GLIS3: variants seen among roughly 807,000 people sequenced by gnomAD.
GLIS3 encodes the protein GLIS family zinc finger 3, also known as zinc finger protein GLIS3.
A neutral mutation model predicts 78.6 loss-of-function variants in GLIS3; 53 were observed. That is an observed-to-expected ratio of 0.67 (90% CI 0.54 to 0.85). The LOEUF is 0.85. GLIS3 is among the 40% of genes least tolerant of loss of function. The pLI is 0.00. For missense variants in GLIS3, 1,703 were observed against 1,231.1 expected (o/e 1.38, Z -5.74); for synonymous variants, 684 against 509.9 (o/e 1.34, Z -4.60).
At chr9:4,208,508 A>C (rs1248464475) in intron 2 of GLIS3, among the ~76,000 whole-genome samples, 2 of 152,192 alleles carry the variant, frequency 1.3e-5, no homozygotes, top group Non-Finnish European at 2.9e-5. Context: ...TCTGAAAACA[A>C]GTGCTCTCTT....
At chr9:4,149,310 C>G (rs1834485172) in intron 2 of GLIS3, among the ~76,000 whole-genome samples, 1 of 152,218 alleles carries the variant, frequency 6.6e-6, no homozygotes, top group Non-Finnish European at 1.5e-5. Flanking sequence ...GGGAGGAAAA[C>G]TAAGGCTTGA....
intron 2 of GLIS3, among the ~76,000 whole-genome samples, chr9:4,187,370 C>T (rs1457844707): frequency 6.6e-6 from 1 of 152,146 alleles, no homozygotes; most frequent in Non-Finnish European, 1.5e-5. Context: ...TGTTTTGGTA[C>T]CAGTACCATG....
intron 4 of GLIS3, among the ~76,000 whole-genome samples, chr9:3,997,461 T>C (rs1176968894): frequency 6.6e-6 from 1 of 151,418 alleles, no homozygotes; most frequent in Non-Finnish European, 1.5e-5. Context: ...TATCAGAAAA[T>C]AGAAATGGGA....
chr9:4,198,326 C>G (rs977093090), intron 2 of GLIS3, among the ~76,000 whole-genome samples: 1 of 152,072 alleles, frequency 6.6e-6, no homozygotes, highest in African/African-American at 2.4e-5. Context: ...TAATCTAATT[C>G]TAAAAATTGT....
intron 4 of GLIS3, among the ~76,000 whole-genome samples, chr9:3,942,818 G>A (rs1816024609): frequency 6.6e-6 from 1 of 152,152 alleles, no homozygotes; most frequent in Non-Finnish European, 1.5e-5. Flanking sequence ...CAACATTCTA[G>A]GGATCATTAG....
chr9:4,144,226 G>A (rs1834033086), intron 2 of GLIS3, among the ~76,000 whole-genome samples: 1 of 152,174 alleles, frequency 6.6e-6, no homozygotes, highest in East Asian at 1.9e-4. Flanking sequence ...AAAGAATAGA[G>A]TCCGAAAGAG....
chr9:4,438,960 C>T, the GLIS3 span, among the ~76,000 whole-genome samples: 1 of 152,128 alleles, frequency 6.6e-6, no homozygotes, highest in Non-Finnish European at 1.5e-5. Flanking sequence ...CTCTATAAGT[C>T]AATTTTCTTC....
At chr9:4,484,287 G>C in the GLIS3 span, among the ~76,000 whole-genome samples, 10 of 147,508 alleles carry the variant, frequency 6.8e-5, no homozygotes, top group South Asian at 1.9e-3. Context: ...GCCCAGGCTA[G>C]AGTGCAGTGG....
intron 4 of GLIS3, among the ~76,000 whole-genome samples, chr9:4,024,067 G>A (rs1231370794): frequency 6.6e-6 from 1 of 151,988 alleles, no homozygotes; most frequent in East Asian, 1.9e-4. Context: ...CTCCTCCACA[G>A]GTGGTTTGAG....
At chr9:4,303,648 G>T (rs529088201), upstream of GLIS3, among the ~76,000 whole-genome samples, 3 of 151,676 alleles carry the variant, frequency 2.0e-5, no homozygotes, top group East Asian at 5.8e-4. Context: ...AAATGTGTCA[G>T]ACCAAATGCA....
chr9:4,030,321 G>C (rs1408074375), intron 4 of GLIS3, among the ~76,000 whole-genome samples: 1 of 152,072 alleles, frequency 6.6e-6, no homozygotes, highest in Non-Finnish European at 1.5e-5. Flanking sequence ...AGAGTTATTT[G>C]AGTTCCTTAT....
chr9:4,015,079 A>T (rs915017467), intron 4 of GLIS3, among the ~76,000 whole-genome samples: 1 of 152,232 alleles, frequency 6.6e-6, no homozygotes. Flanking sequence ...TAGAGAAAAC[A>T]TAGTGTCCAA....
At chr9:3,917,333 G>C (rs545931877) in intron 6 of GLIS3, among the ~76,000 whole-genome samples, 12 of 152,208 alleles carry the variant, frequency 7.9e-5, no homozygotes, top group South Asian at 2.1e-4. Flanking sequence ...CATGAACAGT[G>C]CACTCAGCTG....
At position 4,118,210 on chromosome 9, in the gene GLIS3, T is replaced by G. The variant is rs764235955; in HGVS notation, c.1268A>C (p.Gln423Pro). ...TTCGGTCTTGAACAGGCCGGCCGAC[T>G]GGCTGTCGGGGCCCGGCAGGCCATG... ...VQHGLPGPDSQSAGLFKTERL... is the reference protein window; with the variant it reads ...VQHGLPGPDSPSAGLFKTERL... Residue 423 changes from glutamine to proline, a missense_variant, in exon 4 of 11, where the codon CAG becomes CCG. Physicochemically the swap from Gln to Pro is moderately conservative, Grantham distance 76. Coordinates refer to ENST00000381971, the MANE Select transcript of GLIS3 (RefSeq NM_001042413.2). This position sits in a 1 kb window ranked among gnomAD's most constrained non-coding sequence, Gnocchi z 4.7. 16 of 1,585,062 alleles carry G rather than the reference T, an allele frequency of 1.0e-5. No homozygotes were observed. Among genetic ancestry groups the G allele is most frequent in the Admixed American group, 1.7e-5 (1 of 57,254 alleles).
chr9:3,859,812 GA>G (rs1243227293), intron 8 of GLIS3, among the ~76,000 whole-genome samples: 1 of 151,200 alleles, frequency 6.6e-6, no homozygotes, highest in South Asian at 2.1e-4. Flanking sequence ...TAACAGACTA[GA>G]AAAAAAAATT....
Position 4,014,293 on chromosome 9 carries a change from T to A in GLIS3, c.1711-77104A>T, listed in dbSNP as rs568980853. Among the ~76,000 whole-genome samples, 14 of 152,220 alleles carry A rather than the reference T, an allele frequency of 9.2e-5. No individual in the cohort carries two copies. In the South Asian group the frequency reaches 2.7e-3, roughly 29 times the overall value. Reference sequence around the variant, plus strand: ...AAAACTGAGAAGTGGCCTTAGAAATTGTACTGGGCTAAATGGTGTCCACCC... The same window carrying A: ...AAAACTGAGAAGTGGCCTTAGAAATAGTACTGGGCTAAATGGTGTCCACCC... On this transcript the variant is annotated intron_variant, in intron 4 of 10. Coordinates refer to ENST00000381971, the MANE Select transcript of GLIS3 (RefSeq NM_001042413.2).
chr9:4,142,545 C>G (rs1284503764), intron 2 of GLIS3, among the ~76,000 whole-genome samples: 1 of 152,158 alleles, frequency 6.6e-6, no homozygotes, highest in East Asian at 1.9e-4. Flanking sequence ...TCTAAACATT[C>G]TGTAGCAAAA....
At chr9:4,131,869 A>G (rs979258858) in intron 2 of GLIS3, among the ~76,000 whole-genome samples, 1 of 152,092 alleles carries the variant, frequency 6.6e-6, no homozygotes, top group Admixed American at 6.5e-5. Context: ...GTTAACTGCT[A>G]CTGTTGTTAT....
intron 2 of GLIS3, among the ~76,000 whole-genome samples, chr9:4,233,792 A>G (rs576481751): frequency 6.6e-6 from 1 of 152,326 alleles, no homozygotes; most frequent in African/African-American, 2.4e-5. Context: ...TCTTCTTCCA[A>G]TAGAAGGCTG....
Sources: gnomAD v4.1 joint callset for allele counts (sites outside exome capture counted in the v4.1 genomes callset) on GRCh38, gnomAD v4.1.1 for gene constraint, Gnocchi (gnomAD v3.1) non-coding constraint, MANE v1.5 for transcripts, NCBI Gene and HGNC (gene_info 2026-07-23, HGNC 2026-07-21) for gene names.